The following KLHDC10 variants were observed in gnomAD, a reference collection of about 807,000 sequenced individuals.
KLHDC10 encodes the protein kelch domain containing 10, also known as kelch domain-containing protein 10.
In KLHDC10, 24 loss-of-function variants were observed where a neutral mutation model predicts 56.1. The observed-to-expected ratio is 0.43, with a 90% CI of 0.31 to 0.60. The LOEUF (loss-of-function observed/expected upper bound fraction) is 0.60, where lower values mean the gene tolerates loss of function less well. Ranked by LOEUF, KLHDC10 falls within the 20% of genes least tolerant of loss-of-function variation. The pLI, the probability that KLHDC10 is intolerant of heterozygous loss-of-function variation, is 0.11. For synonymous variants in KLHDC10, 188 were observed against 207.1 expected (o/e 0.91, Z 0.79); for missense variants, 349 against 567.0 (o/e 0.62, Z 3.91).
rs961950533 is a variant in KLHDC10 at position 130,108,047 on chromosome 7, G to GA, written c.254-8388dup. On this transcript the variant is annotated intron_variant, in intron 2 of 9. Coordinates refer to ENST00000335420, the MANE Select transcript of KLHDC10 (RefSeq NM_014997.4). ...AACAAAACAAAAAACCCTTCCCCGG[G>GA]AAAAAAAAAACAAAAAACAAAACAA... 2.3e-3 allele frequency among the ~76,000 whole-genome samples: 317 copies of GA among 138,850 alleles called. 1 individual carries two copies. Among genetic ancestry groups the GA allele is most frequent in the African/African-American group, 5.1e-3 (193 of 37,680 alleles). The allele number at this position is 138,850 out of a possible 152,430, so 91.1% of individuals were successfully genotyped here.
At position 130,127,303 on chromosome 7, in the gene KLHDC10, T is replaced by C. The variant is rs1174418385; in HGVS notation, c.932-101T>C. 3.4e-6 allele frequency: 3 copies of C among 895,224 alleles called. No individual in the cohort carries two copies. The African/African-American group carries it at 5.0e-5, about 15-fold the overall frequency. The allele number at this position is 895,224 out of a possible 1,614,324, so 55.5% of individuals were successfully genotyped here. On this transcript the variant is annotated intron_variant, in intron 7 of 9. Transcript: ENST00000335420. Reference sequence around the variant, plus strand: ...GTTTGCTTAACATGTAACAAAGGGATTGTTTTGAGTTACACGTAGTGTGTC... The same window carrying C: ...GTTTGCTTAACATGTAACAAAGGGACTGTTTTGAGTTACACGTAGTGTGTC...
At chr7:130,104,978 T>C (rs1176388758) in intron 2 of KLHDC10, among the ~76,000 whole-genome samples, 3 of 151,492 alleles carry the variant, frequency 2.0e-5, no homozygotes, top group African/African-American at 7.3e-5. Context: ...AAAAGAAAAA[T>C]TCAAATGGCC....
At chr7:130,114,734 G>A (rs1219479888) in intron 2 of KLHDC10, among the ~76,000 whole-genome samples, 2 of 152,100 alleles carry the variant, frequency 1.3e-5, no homozygotes, top group Admixed American at 6.6e-5. Flanking sequence ...TAATATATGA[G>A]TAGTATGGTA....
chr7:130,123,909 A>C (rs1796282144), intron 5 of KLHDC10, among the ~76,000 whole-genome samples: 1 of 152,194 alleles, frequency 6.6e-6, no homozygotes, highest in South Asian at 2.1e-4. Context: ...TTATATCCAC[A>C]GTTCTGTGTA....
At chr7:130,103,435 A>AT (rs111628815) in intron 2 of KLHDC10, among the ~76,000 whole-genome samples, 2,095 of 151,764 alleles carry the variant, frequency 0.014, 45 homozygotes, top group African/African-American at 0.048. Context: ...AAAAAAAAAA[A>AT]ATCTGAGTTT....
At chr7:130,122,684 G>C (rs572961420) in intron 5 of KLHDC10, among the ~76,000 whole-genome samples, 43 of 152,256 alleles carry the variant, frequency 2.8e-4, no homozygotes, top group African/African-American at 8.7e-4. Context: ...CGCCCAAGTA[G>C]CTGGGAATAC....
intron 1 of KLHDC10, among the ~76,000 whole-genome samples, chr7:130,085,544 G>A (rs1273026182): frequency 6.6e-6 from 1 of 150,710 alleles, no homozygotes; most frequent in Non-Finnish European, 1.5e-5. Flanking sequence ...GTTTTAAAAT[G>A]GTAGACTCAG....
chr7:130,097,121 C>T, intron 2 of KLHDC10, 114 bp downstream of exon 2: 1 of 638,134 alleles, frequency 1.6e-6, no homozygotes, highest in Non-Finnish European at 2.7e-6. Flanking sequence ...GCTAATGAAA[C>T]AGTTGGAATA....
chr7:130,091,731 T>G (rs1285609081), intron 1 of KLHDC10, among the ~76,000 whole-genome samples: 3 of 152,294 alleles, frequency 2.0e-5, no homozygotes, highest in Non-Finnish European at 4.4e-5. Flanking sequence ...GTTAGTAATG[T>G]TTTTTTCCCC....
chr7:130,125,307 C>T (rs1336089355), intron 6 of KLHDC10, among the ~76,000 whole-genome samples: 8 of 152,158 alleles, frequency 5.3e-5, no homozygotes, highest in Middle Eastern at 6.8e-3. Context: ...TTTGGGAGGC[C>T]GAGGCGGGCG....
chr7:130,089,788 A>G (rs1795745258), intron 1 of KLHDC10, among the ~76,000 whole-genome samples: 1 of 152,162 alleles, frequency 6.6e-6, no homozygotes, highest in African/African-American at 2.4e-5. Context: ...GAAATTCTTT[A>G]TAGATCCTGA....
intron 1 of KLHDC10, among the ~76,000 whole-genome samples, chr7:130,084,772 GAAAA>G (rs111770744): frequency 8.3e-6 from 1 of 120,422 alleles, no homozygotes; most frequent in African/African-American, 3.1e-5. Flanking sequence ...GCGAGACTCT[GAAAA>G]AAAAAAAAAA....
chr7:130,094,298 A>G (rs970326497), intron 1 of KLHDC10, among the ~76,000 whole-genome samples: 2 of 152,198 alleles, frequency 1.3e-5, no homozygotes, highest in Non-Finnish European at 2.9e-5. Flanking sequence ...CCATTATAAA[A>G]TCATATATCG....
intron 3 of KLHDC10, among the ~76,000 whole-genome samples, chr7:130,119,529 A>C (rs1387309537): frequency 8.8e-6 from 1 of 113,806 alleles, no homozygotes; most frequent in Admixed American, 1.0e-4. Flanking sequence ...AACAAACAAA[A>C]AAAGAGTTAA....
intron 4 of KLHDC10, among the ~76,000 whole-genome samples, chr7:130,121,564 C>T (rs1341404493): frequency 6.6e-6 from 1 of 152,204 alleles, no homozygotes; most frequent in Admixed American, 6.5e-5. Flanking sequence ...CCACAGGAGG[C>T]ATTTAAACTT....
chr7:130,121,458 A>G (rs1157605414), intron 4 of KLHDC10, among the ~76,000 whole-genome samples: 2 of 152,200 alleles, frequency 1.3e-5, no homozygotes, highest in African/African-American at 4.8e-5. Context: ...AAAACAACCA[A>G]GCTTTGACTT....
intron 1 of KLHDC10, among the ~76,000 whole-genome samples, chr7:130,074,438 G>A (rs994975330): frequency 7.2e-5 from 11 of 151,810 alleles, no homozygotes; most frequent in East Asian, 1.9e-4. Context: ...ATGTATGTGC[G>A]TATACATATA....
At chr7:130,114,215 A>G (rs1418230633) in intron 2 of KLHDC10, among the ~76,000 whole-genome samples, 1 of 152,194 alleles carries the variant, frequency 6.6e-6, no homozygotes, top group Non-Finnish European at 1.5e-5. Context: ...GAGCTTATAA[A>G]CTGTTTGGAA....
At chr7:130,128,102 T>A (rs1796336756) in intron 8 of KLHDC10, among the ~76,000 whole-genome samples, 1 of 152,218 alleles carries the variant, frequency 6.6e-6, no homozygotes, top group Non-Finnish European at 1.5e-5. Context: ...AGCAACTTAG[T>A]TCAGATACAA....
Sources: allele counts gnomAD v4.1 joint callset (sites outside exome capture counted in the v4.1 genomes callset), GRCh38; gene constraint gnomAD v4.1.1; transcripts MANE v1.5; gene names NCBI Gene and HGNC (gene_info 2026-07-23, HGNC 2026-07-21).